CMYA5: variants seen among roughly 807,000 people sequenced by gnomAD.
CMYA5 encodes cardiomyopathy-associated protein 5.
CMYA5 carries 246 observed loss-of-function variants against 318.9 expected under a neutral mutation model. The ratio of observed to expected loss-of-function variants is 0.77; its 90% CI spans 0.70 to 0.86. The LOEUF (loss-of-function observed/expected upper bound fraction) is 0.86. Among genes scored for constraint, CMYA5 ranks in the 40% least tolerant of loss-of-function variants. CMYA5 has a pLI of 0.00. For synonymous variants in CMYA5, 1,641 were observed against 1,729.5 expected (o/e 0.95, Z 1.27); for missense variants, 4,589 against 4,678.2 (o/e 0.98, Z 0.56).
In CMYA5 at chr5:79,737,365, T is replaced by C; in HGVS notation, c.8600T>C (p.Leu2867Pro). 6.2e-7 allele frequency: 1 copy of C among 1,613,876 alleles called. No homozygotes were observed. Among genetic ancestry groups the C allele is most frequent in the Non-Finnish European group, 8.5e-7 (1 of 1,179,824 alleles). The change falls in exon 2 of 13, where the codon CTT (leucine) becomes CCT (proline). Residue 2867 changes from leucine to proline, a missense_variant. Physicochemically the swap from Leu to Pro is moderately conservative, Grantham distance 98. Transcript: ENST00000446378. Reference sequence around the variant, plus strand: ...TCCGATGTGCCTAAACAATCTGTTCTTGTTTCAAAGCACCACTTGGAGGCT... The same window carrying C: ...TCCGATGTGCCTAAACAATCTGTTCCTGTTTCAAAGCACCACTTGGAGGCT... The part of the protein sequence containing the change: ...DTSDVPKQSV[L>P]VSKHHLEAAE...
chr5:79,772,906 A>G (rs80145877), intron 9 of CMYA5, among the ~76,000 whole-genome samples: 2,502 of 152,322 alleles, frequency 0.016, 72 homozygotes, highest in African/African-American at 0.058. Flanking sequence ...GTGTAGTTCA[A>G]TCTCTAAGAT....
chr5:79,784,987 C>T (rs1829056978), intron 9 of CMYA5, among the ~76,000 whole-genome samples: 1 of 151,692 alleles, frequency 6.6e-6, no homozygotes, highest in Non-Finnish European at 1.5e-5. Context: ...TGGAATTTAT[C>T]TCAGTAGATT....
intron 12 of CMYA5, among the ~76,000 whole-genome samples, chr5:79,796,362 T>C (rs1335284286): frequency 6.6e-6 from 1 of 152,056 alleles, no homozygotes; most frequent in Non-Finnish European, 1.5e-5. Flanking sequence ...ATTGAGTACC[T>C]GTCCTGTGCC....
rs756993911 is a variant in CMYA5 at position 79,729,659 on chromosome 5, G to A, written c.894G>A (p.Glu298=). 6.2e-7 allele frequency: 1 copy of A among 1,613,700 alleles called. No homozygotes were observed. Among genetic ancestry groups the A allele is most frequent in the Non-Finnish European group, 8.5e-7 (1 of 1,179,812 alleles). The change falls in exon 2 of 13, where the codon GAG becomes GAA. Residue 298 remains glutamate, a synonymous_variant. Coordinates refer to ENST00000446378, the MANE Select transcript of CMYA5 (RefSeq NM_153610.5). ...AAAGCATAGAGGATAAAGTAAAAGA[G>A]GTTTTTCCACCCTGGAGAGGCGCAC... ...VAQSIEDKVK[E]VFPPWRGALS... is the part of the protein sequence containing the mutation.
Position 79,738,925 on chromosome 5 carries a change from G to T in CMYA5, c.10160G>T (p.Gly3387Val), listed in dbSNP as rs201235338. The T allele has an allele frequency of 6.2e-7, 1 of 1,613,908 alleles. No individual in the cohort carries two copies. The highest frequency in any genetic ancestry group is 2.2e-5 in the East Asian group (1 of 44,878). ...TTCCCGGAGGAAGAATTTGCATCTGGTGCAACTCATGTTCAAGAAACATCA... is the reference window on the plus strand; with the variant it reads ...TTCCCGGAGGAAGAATTTGCATCTGTTGCAACTCATGTTCAAGAAACATCA... ...VSFPEEEFASGATHVQETSLE... is the reference protein window; with the variant it reads ...VSFPEEEFASVATHVQETSLE... Residue 3387 changes from glycine to valine, a missense_variant, in exon 2 of 13, where the codon GGT becomes GTT. Transcript: ENST00000446378.
chr5:79,726,909 A>ATGTTTTTTTTTTTTTTTTTT (rs1827758607), intron 1 of CMYA5, among the ~76,000 whole-genome samples: 1 of 96,040 alleles, frequency 1.0e-5, no homozygotes, highest in East Asian at 4.0e-4. Flanking sequence ...TAGGCCAGTG[A>ATGTTTTTTTTTTTTTTTTTT]TTTTTTTTTT....
At chr5:79,742,459 T>A (rs1012841930) in intron 2 of CMYA5, among the ~76,000 whole-genome samples, 17 of 152,164 alleles carry the variant, frequency 1.1e-4, no homozygotes, top group Non-Finnish European at 1.9e-4. Context: ...AGTGCTGGGA[T>A]TCCAGGCAGT....
At position 79,736,405 on chromosome 5, in the gene CMYA5, T is replaced by C. The variant is rs1828068768; in HGVS notation, c.7640T>C (p.Val2547Ala). ...GAAGAAAAAGAAAATCAGGTATATG[T>C]GCTTTCAGAAGGAAAGAAGCAGCAG... ...KGEEKENQVY[V>A]LSEGKKQQEH... Residue 2547 changes from valine to alanine, a missense_variant, in exon 2 of 13, where the codon GTG becomes GCG. Val to Ala is a moderately conservative substitution (Grantham distance 64). This residue lies in a region of CMYA5 where 2,431 missense variants were observed against 2,495.1 expected (regional missense o/e 0.97). Transcript: ENST00000446378. 6.2e-7 allele frequency: 1 copy of C among 1,610,150 alleles called. No individual in the cohort carries two copies. Among genetic ancestry groups the C allele is most frequent in the Non-Finnish European group, 8.5e-7 (1 of 1,177,960 alleles).
chr5:79,771,068 GAAAA>G (rs200789494), intron 9 of CMYA5, among the ~76,000 whole-genome samples: 7 of 99,432 alleles, frequency 7.0e-5, no homozygotes, highest in African/African-American at 1.9e-4. Flanking sequence ...AGGGAGAGAG[GAAAA>G]AAAAAAAAAA....
chr5:79,793,423 G>T lies in CMYA5; in HGVS notation c.11790-14G>T. The T allele has an allele frequency of 6.2e-7, 1 of 1,606,208 alleles. No homozygotes were observed. Among genetic ancestry groups the T allele is most frequent in the South Asian group, 1.1e-5 (1 of 90,594 alleles). The stretch of plus-strand genomic sequence containing the variant: ...TTCCTGCACTGAGCATACTCTGATT[G>T]ACTTCACCCACAGAATCCCGTCAGT... On this transcript the variant is annotated splice_polypyrimidine_tract_variant and intron_variant, in intron 11 of 12. Transcript: ENST00000446378.
At chr5:79,752,256 T>C (rs962520437) in intron 5 of CMYA5, among the ~76,000 whole-genome samples, 3 of 152,236 alleles carry the variant, frequency 2.0e-5, no homozygotes, top group Non-Finnish European at 4.4e-5. Flanking sequence ...CAAGGACATC[T>C]GCAGTGTGTA....
chr5:79,794,904 T>C (rs1231715702), intron 12 of CMYA5, among the ~76,000 whole-genome samples: 1 of 152,186 alleles, frequency 6.6e-6, no homozygotes, highest in Non-Finnish European at 1.5e-5. Flanking sequence ...TTAATTGATA[T>C]TCAGTGCTGT....
chr5:79,797,113 T>G (rs1420705607), intron 12 of CMYA5, among the ~76,000 whole-genome samples: 1 of 152,238 alleles, frequency 6.6e-6, no homozygotes, highest in Non-Finnish European at 1.5e-5. Flanking sequence ...TCTCCAACCT[T>G]AATGCCTCCT....
chr5:79,735,544 A>G lies in CMYA5; in HGVS notation c.6779A>G (p.Gln2260Arg). Residue 2260 changes from glutamine (Q) to arginine (R), a missense_variant, in exon 2 of 13, where the codon CAA becomes CGA. Around this residue, in one of 3 missense-constraint regions of CMYA5, gnomAD observed 2,431 missense variants for 2,495.1 expected, o/e 0.97. Transcript: ENST00000446378. Reference sequence around the variant, plus strand: ...ACTTTAGTAAAATCTGGTGACGGTCAAAACGTTAAAGAAAAATCCATGATT... The same window carrying G: ...ACTTTAGTAAAATCTGGTGACGGTCGAAACGTTAAAGAAAAATCCATGATT... ...RGTLVKSGDG[Q>R]NVKEKSMILS... 1 of 1,612,916 alleles carries G rather than the reference A, an allele frequency of 6.2e-7. No homozygotes were observed. The highest frequency in any genetic ancestry group is 8.5e-7 in the Non-Finnish European group (1 of 1,179,624).
At chr5:79,796,027 C>T (rs1227725945) in intron 12 of CMYA5, among the ~76,000 whole-genome samples, 2 of 152,146 alleles carry the variant, frequency 1.3e-5, no homozygotes, top group Admixed American at 6.5e-5. Context: ...CAGGGCTGGT[C>T]AGGTTCTGTG....
Position 79,737,599 on chromosome 5 carries a change from G to A in CMYA5, c.8834G>A (p.Ser2945Asn). 6.2e-7 allele frequency: 1 copy of A among 1,613,696 alleles called. No homozygotes were observed. The highest frequency in any genetic ancestry group is 8.5e-7 in the Non-Finnish European group (1 of 1,179,790). Residue 2945 changes from serine to asparagine, a missense_variant, in exon 2 of 13, where the codon AGT (serine) becomes AAT (asparagine). Physicochemically the swap from Ser to Asn is conservative, Grantham distance 46 (BLOSUM62 1). Coordinates refer to ENST00000446378, the MANE Select transcript of CMYA5 (RefSeq NM_153610.5). The part of the protein sequence containing the change: ...GLSEDQKTAF[S>N]IISEGCEILN... ...TCAGAAGATCAGAAGACTGCCTTTA[G>A]TATCATTTCTGAAGGCTGTGAGATA...
chr5:79,739,226 A>G lies in CMYA5; in HGVS notation c.10461A>G (p.Glu3487=). 6.2e-7 allele frequency: 1 copy of G among 1,613,182 alleles called. No individual in the cohort carries two copies. Among genetic ancestry groups the G allele is most frequent in the South Asian group, 1.1e-5 (1 of 90,862 alleles). ...EQKELGSERK[E]EDQLSSEVVT... is the part of the protein sequence containing the mutation. ...AAGAGTTGGGCAGCGAGAGGAAAGA[A>G]GAAGACCAATTATCATCTGAGGTAG... The change falls in exon 2 of 13, where the codon GAA becomes GAG. Residue 3487 remains glutamate, a synonymous_variant. Coordinates refer to ENST00000446378, the MANE Select transcript of CMYA5 (RefSeq NM_153610.5).
At position 79,694,348 on chromosome 5, in the gene CMYA5, A is replaced by C. The variant is rs1827027653; in HGVS notation, c.149+4292A>C. Among the ~76,000 whole-genome samples, 3 of 152,348 alleles carry C rather than the reference A, an allele frequency of 2.0e-5. No homozygotes were observed. In the South Asian group the frequency reaches 6.2e-4, roughly 32 times the overall value. Reference sequence around the variant, plus strand: ...TTTATTTAACACTTACCATGTGCCAAACTCATGGTTTCCTGTATGGAGAGG... The same window carrying C: ...TTTATTTAACACTTACCATGTGCCACACTCATGGTTTCCTGTATGGAGAGG... On this transcript the variant is annotated intron_variant, in intron 1 of 12. Coordinates refer to ENST00000446378, the MANE Select transcript of CMYA5 (RefSeq NM_153610.5).
chr5:79,776,792 A>G (rs1162348360), intron 9 of CMYA5, among the ~76,000 whole-genome samples: 1 of 152,138 alleles, frequency 6.6e-6, no homozygotes, highest in Non-Finnish European at 1.5e-5. Flanking sequence ...TTTAAAAAAC[A>G]ATACCTATTT....
Sources: gnomAD v4.1 joint callset for allele counts (sites outside exome capture counted in the v4.1 genomes callset) on GRCh38, gnomAD v4.1.1 for gene constraint, gnomAD v4.1.1 regional missense constraint, MANE v1.5 for transcripts, NCBI Gene and HGNC (gene_info 2026-07-23, HGNC 2026-07-21) for gene names.